The following DDHD1 variants were observed in gnomAD, a reference collection of about 807,000 sequenced individuals.
DDHD1 encodes the protein phospholipase DDHD1.
In DDHD1, 49 loss-of-function variants were observed where a neutral mutation model predicts 96.4. The ratio of observed to expected loss-of-function variants is 0.51; its 90% CI spans 0.40 to 0.64. The LOEUF is 0.64. DDHD1 is among the 30% of genes least tolerant of loss of function. DDHD1 has a pLI of 0.00. For missense variants in DDHD1, 1,106 were observed against 1,161.2 expected (o/e 0.95, Z 0.69); for synonymous variants, 442 against 446.5 (o/e 0.99, Z 0.13).
At chr14:53,147,695 A>G (rs1247199419) in intron 1 of DDHD1, among the ~76,000 whole-genome samples, 1 of 152,182 alleles carries the variant, frequency 6.6e-6, no homozygotes, top group Non-Finnish European at 1.5e-5. Flanking sequence ...TTGGTACTGT[A>G]AACCGAGCAG....
rs112845522 is a variant in DDHD1 at position 53,058,769 on chromosome 14, G to A, written c.1843-143C>T. 25 of 664,138 alleles carry A rather than the reference G, an allele frequency of 3.8e-5. 1 individual carries two copies. Among genetic ancestry groups the A allele is most frequent in the African/African-American group, 1.5e-4 (8 of 54,216 alleles). 41.1% of individuals were successfully genotyped at this position (664,138 alleles called of 1,614,324 possible). On this transcript the variant is annotated intron_variant, in intron 8 of 12. Transcript: ENST00000673822. ...CGTTTTTAATAAGAGTTATCCAGAT[G>A]GGCTCTGCCAACCATTAACCATTCT...
intron 5 of DDHD1, 31 bp from the exon 6 acceptor site, chr14:53,072,734 C>T (rs760546931): frequency 6.7e-7 from 1 of 1,502,418 alleles, no homozygotes; most frequent in Non-Finnish European, 9.2e-7. Flanking sequence ...AGCAAGTTAA[C>T]TTATAGAAAG....
intron 4 of DDHD1, among the ~76,000 whole-genome samples, chr14:53,075,325 A>G (rs1267464193): frequency 1.3e-5 from 2 of 152,154 alleles, no homozygotes; most frequent in East Asian, 3.9e-4. Flanking sequence ...AGAAAATGAA[A>G]AAGCCTTATT....
chr14:53,114,083 A>T (rs1272168685), intron 1 of DDHD1, among the ~76,000 whole-genome samples: 2 of 152,186 alleles, frequency 1.3e-5, no homozygotes, highest in African/African-American at 4.8e-5. Context: ...TTTTCCCCTG[A>T]CAGTGCTAAG....
chr14:53,096,927 A>G (rs554869296), intron 2 of DDHD1, among the ~76,000 whole-genome samples: 1 of 152,196 alleles, frequency 6.6e-6, no homozygotes, highest in South Asian at 2.1e-4. Context: ...AACAGACAAC[A>G]TAGAGTAAAG....
intron 1 of DDHD1, among the ~76,000 whole-genome samples, chr14:53,132,110 C>A (rs1384698252): frequency 1.3e-5 from 2 of 152,124 alleles, no homozygotes; most frequent in African/African-American, 4.8e-5. Flanking sequence ...TTTCCCCACT[C>A]CCCTTTCCAT....
At chr14:53,129,012 C>CCCTG in intron 1 of DDHD1, among the ~76,000 whole-genome samples, 1 of 152,302 alleles carries the variant, frequency 6.6e-6, no homozygotes. Context: ...TGAGATCCAC[C>CCCTG]CCTGGCCCAC....
intron 4 of DDHD1, among the ~76,000 whole-genome samples, chr14:53,084,783 G>A (rs1332864008): frequency 6.6e-6 from 1 of 152,188 alleles, no homozygotes; most frequent in Non-Finnish European, 1.5e-5. Flanking sequence ...TTGGACAGTG[G>A]GTGCAGCCCA....
At chr14:53,105,675 T>G (rs1353042757) in intron 1 of DDHD1, among the ~76,000 whole-genome samples, 1 of 152,210 alleles carries the variant, frequency 6.6e-6, no homozygotes, top group Non-Finnish European at 1.5e-5. Context: ...TTGGAATCAC[T>G]GTTTTATATG....
At chr14:53,142,454 G>T (rs1890702899) in intron 1 of DDHD1, among the ~76,000 whole-genome samples, 1 of 144,136 alleles carries the variant, frequency 6.9e-6, no homozygotes, top group Admixed American at 6.9e-5. Flanking sequence ...TTTCTTGCCG[G>T]CATGGCAAAA....
intron 1 of DDHD1, among the ~76,000 whole-genome samples, chr14:53,120,368 A>G (rs1244617535): frequency 6.6e-6 from 1 of 152,244 alleles, no homozygotes; most frequent in Non-Finnish European, 1.5e-5. Flanking sequence ...AAATAACCAT[A>G]CTGCCTAAAG....
At chr14:53,135,381 G>A (rs1354782897) in intron 1 of DDHD1, among the ~76,000 whole-genome samples, 1 of 152,198 alleles carries the variant, frequency 6.6e-6, no homozygotes, top group Non-Finnish European at 1.5e-5. Context: ...TGCACTTGGT[G>A]AGATCCACCC....
intron 9 of DDHD1, among the ~76,000 whole-genome samples, chr14:53,056,971 GGT>G (rs1257254237): frequency 6.6e-6 from 1 of 151,884 alleles, no homozygotes; most frequent in East Asian, 1.9e-4. Flanking sequence ...TGTCTAGCTG[GGT>G]GTATATATAT....
At chr14:53,079,508 G>A (rs766219684) in intron 4 of DDHD1, among the ~76,000 whole-genome samples, 1 of 152,128 alleles carries the variant, frequency 6.6e-6, no homozygotes, top group Non-Finnish European at 1.5e-5. Context: ...TTTGCTTCTA[G>A]AAATTTGTCC....
chr14:53,138,528 C>T lies in DDHD1; in HGVS notation c.838+13733G>A, dbSNP rs189131761. On this transcript the variant is annotated intron_variant, in intron 1 of 12. Transcript: ENST00000673822. ...AATGAAATGTATGACAATGGCAAAA[C>T]GGCTATGAGGAGGGTAAATGAAAGT... 2.6e-5 allele frequency among the ~76,000 whole-genome samples: 4 copies of T among 152,254 alleles called. No homozygotes were observed. In the East Asian group the frequency reaches 5.8e-4, roughly 22 times the overall value.
intron 6 of DDHD1, among the ~76,000 whole-genome samples, chr14:53,071,580 C>G (rs1884511472): frequency 6.6e-6 from 1 of 151,984 alleles, no homozygotes; most frequent in African/African-American, 2.4e-5. Context: ...CACCTTTAAC[C>G]AGCTGATTCA....
At chr14:53,135,324 C>T (rs1204160380) in intron 1 of DDHD1, among the ~76,000 whole-genome samples, 3 of 152,192 alleles carry the variant, frequency 2.0e-5, no homozygotes, top group African/African-American at 7.2e-5. Flanking sequence ...GTGATATTCC[C>T]CTGCCCTTAA....
chr14:53,059,494 C>CTTA (rs1566524806), intron 8 of DDHD1, among the ~76,000 whole-genome samples: 1 of 151,492 alleles, frequency 6.6e-6, no homozygotes, highest in African/African-American at 2.4e-5. Context: ...ATCCGCCCAC[C>CTTA]TTAGCCTCCC....
intron 1 of DDHD1, among the ~76,000 whole-genome samples, chr14:53,109,585 ATG>A (rs1191140275): frequency 6.6e-6 from 1 of 151,978 alleles, no homozygotes. Flanking sequence ...GTGTATATAT[ATG>A]TGTGTGTGCA....
Sources: allele counts gnomAD v4.1 joint callset (sites outside exome capture counted in the v4.1 genomes callset), GRCh38; gene constraint gnomAD v4.1.1; transcripts MANE v1.5; gene names NCBI Gene and HGNC (gene_info 2026-07-23, HGNC 2026-07-21).